Variants in KIF2A observed in about 807,000 individuals in gnomAD.
The protein encoded by KIF2A is kinesin-like protein KIF2A.
A neutral mutation model predicts 100.2 loss-of-function variants in KIF2A; 22 were observed. The observed-to-expected ratio is 0.22, with a 90% CI of 0.16 to 0.31. The LOEUF is 0.31. Ranked by LOEUF, KIF2A falls within the 10% of genes least tolerant of loss-of-function variation. The pLI is 1.00. For missense variants in KIF2A, 495 were observed against 898.7 expected (o/e 0.55, Z 5.74); for synonymous variants, 268 against 285.9 (o/e 0.94, Z 0.63).
At chr5:62,333,443 CG>C (rs1204664843) in intron 1 of KIF2A, among the ~76,000 whole-genome samples, 2 of 152,098 alleles carry the variant, frequency 1.3e-5, no homozygotes, top group Non-Finnish European at 2.9e-5. Context: ...AGGAAGATGG[CG>C]ACATCAGGGG....
At chr5:62,385,310 C>A (rs147507177) in intron 20 of KIF2A, among the ~76,000 whole-genome samples, 174 bp from the exon 21 acceptor site, 2 of 152,264 alleles carry the variant, frequency 1.3e-5, no homozygotes, top group East Asian at 3.9e-4. Context: ...AAAAAACTTT[C>A]GCAATAGTTG....
chr5:62,324,355 A>G (rs1746255541), intron 1 of KIF2A, among the ~76,000 whole-genome samples: 1 of 152,242 alleles, frequency 6.6e-6, no homozygotes, highest in African/African-American at 2.4e-5. Flanking sequence ...AATTAGGAAA[A>G]TCTATTCTAA....
In KIF2A at chr5:62,386,683, A is replaced by C. The variant is rs552953224; in HGVS notation, c.*1114A>C. On this transcript the variant is annotated 3_prime_UTR_variant, in exon 21 of 21. Transcript: ENST00000407818. ...AAGAGTTGACTTTGCCTTAAAAGGC[A>C]GATCTAACCCAAGCTCCATCCAGTA... Among the ~76,000 whole-genome samples, 3 of 152,378 alleles carry C rather than the reference A, an allele frequency of 2.0e-5. No individual in the cohort carries two copies. Among genetic ancestry groups the C allele is most frequent in the East Asian group, 3.9e-4 (2 of 5,188 alleles).
chr5:62,338,337 C>T (rs759111449), intron 1 of KIF2A, among the ~76,000 whole-genome samples: 3 of 152,144 alleles, frequency 2.0e-5, no homozygotes, highest in Non-Finnish European at 2.9e-5. Context: ...CACCCAGACT[C>T]GAGTGCAGAG....
chr5:62,341,999 G>C (rs1222287270), intron 1 of KIF2A, among the ~76,000 whole-genome samples: 1 of 152,066 alleles, frequency 6.6e-6, no homozygotes, highest in East Asian at 1.9e-4. Context: ...TCCTGCTGAG[G>C]GTTATTCTTC....
Position 62,306,547 on chromosome 5 carries a change from C to G in KIF2A, c.64+11C>G, listed in dbSNP as rs1367292196. ...TCAAGCGCAGCGATGGTGAGCCGCGCTGCCAGCCCCGCTGGCCCGCTCGGC... is the reference window on the plus strand; with the variant it reads ...TCAAGCGCAGCGATGGTGAGCCGCGGTGCCAGCCCCGCTGGCCCGCTCGGC... On this transcript the variant is annotated intron_variant, in intron 1 of 20. Coordinates refer to ENST00000407818, the MANE Select transcript of KIF2A (RefSeq NM_001098511.3). The G allele has an allele frequency of 1.9e-6, 3 of 1,544,244 alleles. No individual in the cohort carries two copies. The highest frequency in any genetic ancestry group is 1.7e-6 in the Non-Finnish European group (2 of 1,143,892).
At chr5:62,329,524 G>C (rs1746536199) in intron 1 of KIF2A, among the ~76,000 whole-genome samples, 1 of 152,198 alleles carries the variant, frequency 6.6e-6, no homozygotes, top group Admixed American at 6.5e-5. Context: ...TCAGTTACTG[G>C]TCAGTGGCAC....
At chr5:62,354,130 T>G (rs1400517090) in intron 6 of KIF2A, among the ~76,000 whole-genome samples, 1 of 152,170 alleles carries the variant, frequency 6.6e-6, no homozygotes, top group African/African-American at 2.4e-5. Flanking sequence ...GGACCTAGTA[T>G]TATATCCAAC....
chr5:62,361,227 C>G lies in KIF2A; in HGVS notation c.873-15C>G. ...TATTGGTGACACATTCTGACTGATG[C>G]ATTTTATTTTTAAGGTTTACTGCTA... is the stretch of plus-strand genomic sequence containing the variant. On this transcript the variant is annotated splice_polypyrimidine_tract_variant and intron_variant, in intron 9 of 20. Coordinates refer to ENST00000407818, the MANE Select transcript of KIF2A (RefSeq NM_001098511.3). 1 of 1,422,972 alleles carries G rather than the reference C, an allele frequency of 7.0e-7. No homozygotes were observed. The highest frequency in any genetic ancestry group is 9.8e-7 in the Non-Finnish European group (1 of 1,018,506). The allele number at this position is 1,422,972 out of a possible 1,614,324, so 88.1% of individuals were successfully genotyped here.
At chr5:62,361,707 A>ATT (rs11418602) in intron 11 of KIF2A, among the ~76,000 whole-genome samples, 178 bp downstream of exon 11, 86 of 146,526 alleles carry the variant, frequency 5.9e-4, no homozygotes, top group East Asian at 1.2e-3. Flanking sequence ...ATTCACAATA[A>ATT]TTTTTTTTTT....
chr5:62,345,480 T>C (rs1747513436), intron 1 of KIF2A, among the ~76,000 whole-genome samples: 1 of 99,238 alleles, frequency 1.0e-5, no homozygotes, highest in Admixed American at 1.0e-4. Flanking sequence ...AGACTCTGTC[T>C]CAAAAAAAAA....
intron 1 of KIF2A, among the ~76,000 whole-genome samples, chr5:62,325,438 T>C (rs1397656862): frequency 7.0e-6 from 1 of 142,924 alleles, no homozygotes; most frequent in Non-Finnish European, 1.5e-5. Flanking sequence ...AGCTTTTCAA[T>C]AAACTTTCAT....
chr5:62,348,161 T>A lies in KIF2A; in HGVS notation c.273T>A (p.Ile91=), dbSNP rs763972861. The A allele has an allele frequency of 4.3e-6, 7 of 1,613,344 alleles. No homozygotes were observed. The highest frequency in any genetic ancestry group is 5.9e-6 in the Non-Finnish European group (7 of 1,179,684). The stretch of plus-strand genomic sequence containing the variant: ...CATCCTCAGCCAAAGTAAACAAAAT[T>A]GTAAAGGTTAGTGATGAAAATTCAG... ...PPASSAKVNK[I]VKNRRTVASI... is the part of the protein sequence containing the mutation. Residue 91 remains isoleucine (I), a synonymous_variant, in exon 3 of 21, where the codon ATT becomes ATA. Coordinates refer to ENST00000407818, the MANE Select transcript of KIF2A (RefSeq NM_001098511.3).
At chr5:62,337,553 CT>C (rs1158100744) in intron 1 of KIF2A, among the ~76,000 whole-genome samples, 1 of 151,932 alleles carries the variant, frequency 6.6e-6, no homozygotes, top group African/African-American at 2.4e-5. Flanking sequence ...TTATGAGAGG[CT>C]GGGAGCAGTG....
chr5:62,308,063 T>G (rs1745398878), intron 1 of KIF2A, among the ~76,000 whole-genome samples: 1 of 152,216 alleles, frequency 6.6e-6, no homozygotes, highest in African/African-American at 2.4e-5. Flanking sequence ...GTTGTGTGTA[T>G]GATATATTGG....
intron 1 of KIF2A, among the ~76,000 whole-genome samples, chr5:62,337,791 CAGAG>C (rs1747047644): frequency 6.7e-6 from 1 of 148,480 alleles, no homozygotes; most frequent in African/African-American, 2.5e-5. Context: ...AGCCTGGGCA[CAGAG>C]AGAGACCCCC....
intron 1 of KIF2A, among the ~76,000 whole-genome samples, chr5:62,338,497 C>T (rs1239081758): frequency 6.6e-6 from 1 of 152,098 alleles, no homozygotes; most frequent in Non-Finnish European, 1.5e-5. Context: ...ACCATGTTGG[C>T]CAGGGTGGTC....
chr5:62,339,906 A>T (rs1488140844), intron 1 of KIF2A, among the ~76,000 whole-genome samples: 1 of 150,750 alleles, frequency 6.6e-6, no homozygotes, highest in Non-Finnish European at 1.5e-5. Flanking sequence ...AAATATGATT[A>T]TCTCAAATAT....
intron 1 of KIF2A, chr5:62,308,535 T>G (rs1278461605): frequency 4.3e-6 from 3 of 703,106 alleles, no homozygotes; most frequent in East Asian, 5.4e-5. Context: ...AAAGAAATTA[T>G]GTGTGTGTGT....
Sources: allele counts gnomAD v4.1 joint callset (sites outside exome capture counted in the v4.1 genomes callset), GRCh38; gene constraint gnomAD v4.1.1; transcripts MANE v1.5; gene names NCBI Gene and HGNC (gene_info 2026-07-23, HGNC 2026-07-21).